The following PTPRN2 variants were observed in gnomAD, a reference collection of about 807,000 sequenced individuals.
The protein encoded by PTPRN2 is protein tyrosine phosphatase receptor type N2, also known as receptor-type tyrosine-protein phosphatase N2.
In PTPRN2, 74 loss-of-function variants were observed where a neutral mutation model predicts 118.8. The observed-to-expected ratio is 0.62, with a 90% confidence interval of 0.52 to 0.76. The LOEUF is 0.76. PTPRN2 is among the 30% of genes least tolerant of loss of function. PTPRN2 has a pLI of 0.00. For missense variants in PTPRN2, 1,481 were observed against 1,394.4 expected (o/e 1.06, Z -0.99); for synonymous variants, 641 against 608.0 (o/e 1.05, Z -0.80).
At chr7:157,672,556 G>T (rs1796468471) in intron 13 of PTPRN2, among the ~76,000 whole-genome samples, 1 of 152,152 alleles carries the variant, frequency 6.6e-6, no homozygotes, top group Non-Finnish European at 1.5e-5. Context: ...GTCGGGAAAG[G>T]CCATTCCAGG....
intron 11 of PTPRN2, among the ~76,000 whole-genome samples, chr7:158,068,097 G>GGACTTGGT (rs1810916258): frequency 6.6e-6 from 1 of 152,230 alleles, no homozygotes; most frequent in South Asian, 2.1e-4. Context: ...GTGGGCAACA[G>GGACTTGGT]GACTTGGTGG....
chr7:157,791,586 C>T (rs926708465), intron 12 of PTPRN2, among the ~76,000 whole-genome samples: 3 of 149,422 alleles, frequency 2.0e-5, no homozygotes, highest in African/African-American at 7.4e-5. Context: ...CCCCTCCCTG[C>T]ACCCACCTGC....
Position 157,957,483 on chromosome 7 carries a change from C to T in PTPRN2, c.1724-58746G>A, listed in dbSNP as rs1211936305. Reference sequence around the variant, plus strand: ...AGAAAAACACTGATGGTACACACAACAGATACAAGATTCAAAATAAATCAT... The same window carrying T: ...AGAAAAACACTGATGGTACACACAATAGATACAAGATTCAAAATAAATCAT... On this transcript the variant is annotated intron_variant, in intron 11 of 22. Coordinates refer to ENST00000389418, the MANE Select transcript of PTPRN2 (RefSeq NM_002847.5). 2.0e-5 allele frequency among the ~76,000 whole-genome samples: 3 copies of T among 152,094 alleles called. No homozygotes were observed. The South Asian group carries it at 6.2e-4, about 31-fold the overall frequency.
intron 9 of PTPRN2, among the ~76,000 whole-genome samples, chr7:158,116,388 C>A (rs1157254432): frequency 6.6e-6 from 1 of 152,328 alleles, no homozygotes; most frequent in South Asian, 2.1e-4. Flanking sequence ...ACTCTGAAGC[C>A]TAATGAAGGC....
At chr7:158,276,625 A>G (rs1253770236) in intron 3 of PTPRN2, among the ~76,000 whole-genome samples, 2 of 150,504 alleles carry the variant, frequency 1.3e-5, no homozygotes, top group South Asian at 2.1e-4. Flanking sequence ...ACTTGGCCCC[A>G]TTTATTAACC....
At chr7:158,530,385 G>T (rs1162419875) in intron 1 of PTPRN2, among the ~76,000 whole-genome samples, 1 of 152,202 alleles carries the variant, frequency 6.6e-6, no homozygotes, top group African/African-American at 2.4e-5. Flanking sequence ...GTGGCAATTT[G>T]CGGAGGCTCT....
intron 22 of PTPRN2, among the ~76,000 whole-genome samples, chr7:157,545,298 GGTGT>G (rs1454458232): frequency 6.7e-6 from 1 of 149,724 alleles, no homozygotes; most frequent in Non-Finnish European, 1.5e-5. Context: ...GCTGTATGTG[GGTGT>G]GTACCACATG....
Position 158,386,945 on chromosome 7 carries a change from C to A in PTPRN2, c.164-70013G>T, listed in dbSNP as rs75831094. Among the ~76,000 whole-genome samples the A allele has an allele frequency of 9.9e-3, 1,504 of 152,308 alleles. 32 individuals are homozygous for A. The highest frequency in any genetic ancestry group is 0.034 in the African/African-American group (1,420 of 41,562). On this transcript the variant is annotated intron_variant, in intron 2 of 22. Coordinates refer to ENST00000389418, the MANE Select transcript of PTPRN2 (RefSeq NM_002847.5). The stretch of plus-strand genomic sequence containing the variant: ...CCTCCATGATGAACACGACTCCACA[C>A]GGCCCGATCACCCACCTAAGCACTC...
chr7:158,458,472 T>A (rs571758979), intron 2 of PTPRN2, among the ~76,000 whole-genome samples: 1 of 152,210 alleles, frequency 6.6e-6, no homozygotes, highest in South Asian at 2.1e-4. Context: ...ACCACCCGGA[T>A]CTTTTAAAGC....
chr7:158,532,189 A>G (rs1193840496), intron 1 of PTPRN2, among the ~76,000 whole-genome samples: 1 of 152,246 alleles, frequency 6.6e-6, no homozygotes, highest in Non-Finnish European at 1.5e-5. Context: ...GGGTTGGCCC[A>G]GCACCTGGGT....
intron 3 of PTPRN2, among the ~76,000 whole-genome samples, chr7:158,315,829 C>T (rs1316820347): frequency 6.6e-6 from 1 of 152,224 alleles, no homozygotes; most frequent in Non-Finnish European, 1.5e-5. Flanking sequence ...GAATGTTCTC[C>T]AAAGAGTGAC....
At chr7:158,311,852 CT>C (rs1563118574) in intron 3 of PTPRN2, among the ~76,000 whole-genome samples, 2 of 151,516 alleles carry the variant, frequency 1.3e-5, no homozygotes, top group African/African-American at 4.9e-5. Context: ...TGCACACACA[CT>C]CACATGCTCA....
At chr7:158,312,560 A>T (rs932286989) in intron 3 of PTPRN2, among the ~76,000 whole-genome samples, 2 of 151,918 alleles carry the variant, frequency 1.3e-5, no homozygotes, top group African/African-American at 4.8e-5. Flanking sequence ...GTAGACACCC[A>T]CACGCAAAAC....
intron 15 of PTPRN2, among the ~76,000 whole-genome samples, chr7:157,613,634 C>A (rs937038204): frequency 6.6e-6 from 1 of 152,204 alleles, no homozygotes; most frequent in Non-Finnish European, 1.5e-5. Flanking sequence ...TTCCCCGGTT[C>A]TCCAGCCGAC....
intron 2 of PTPRN2, among the ~76,000 whole-genome samples, chr7:158,383,656 A>G (rs1811123378): frequency 6.6e-6 from 1 of 152,204 alleles, no homozygotes; most frequent in Non-Finnish European, 1.5e-5. Context: ...ATCAAAACAG[A>G]AGGACAAAAG....
At chr7:158,071,709 CTCCTG>C (rs1333222843) in intron 11 of PTPRN2, among the ~76,000 whole-genome samples, 30 of 103,128 alleles carry the variant, frequency 2.9e-4, no homozygotes, top group African/African-American at 8.7e-4. Context: ...GGTGGAGGTG[CTCCTG>C]GTGGTGGAGG....
chr7:157,553,976 G>A (rs577257940), intron 21 of PTPRN2, among the ~76,000 whole-genome samples: 62 of 131,678 alleles, frequency 4.7e-4, no homozygotes, highest in African/African-American at 1.0e-3. Context: ...CAGGCCGGGC[G>A]CCGGATCCTG....
At chr7:158,127,820 T>C (rs887725261) in intron 9 of PTPRN2, among the ~76,000 whole-genome samples, 1 of 152,212 alleles carries the variant, frequency 6.6e-6, no homozygotes, top group African/African-American at 2.4e-5. Context: ...CGTCCTGTGA[T>C]TCCTTCTGGA....
chr7:158,470,494 G>C lies in PTPRN2; in HGVS notation c.163+19241C>G, dbSNP rs186546802. On this transcript the variant is annotated intron_variant, in intron 2 of 22. Transcript: ENST00000389418. ...AGCAGCCAAATGCTGGGAACAACCT[G>C]TGTGGGTACAAGCAAGACGTGGTGT... Among the ~76,000 whole-genome samples the C allele has an allele frequency of 8.8e-3, 1,343 of 152,328 alleles. 25 individuals are homozygous for C. Among genetic ancestry groups the C allele is most frequent in the African/African-American group, 0.03 (1,249 of 41,568 alleles).
Sources: allele counts gnomAD v4.1 joint callset (sites outside exome capture counted in the v4.1 genomes callset), GRCh38; gene constraint gnomAD v4.1.1; transcripts MANE v1.5; gene names NCBI Gene and HGNC (gene_info 2026-07-23, HGNC 2026-07-21).